SPATA13: variants seen among roughly 807,000 people sequenced by gnomAD.
SPATA13 encodes spermatogenesis associated 13.
Under a neutral mutation model 104.0 loss-of-function variants are expected in SPATA13, and 50 were observed. The ratio of observed to expected loss-of-function variants is 0.48; its 90% CI spans 0.38 to 0.61. The LOEUF is 0.61. SPATA13 is among the 20% of genes least tolerant of loss of function. SPATA13 has a pLI of 0.00. For synonymous variants in SPATA13, 606 were observed against 667.5 expected, an observed-to-expected ratio of 0.91 and a Z score of 1.42; for missense variants, 1,524 against 1,690.6, an observed-to-expected ratio of 0.90 and a Z score of 1.73.
At chr13:24,122,025 C>T (rs1881046031) in intron 3 of SPATA13, 1 of 1,367,598 alleles carries the variant, frequency 7.3e-7, no homozygotes, top group Admixed American at 1.7e-5. Context: ...CGAACACAAG[C>T]TCTTCACTAC....
intron 2 of SPATA13, among the ~76,000 whole-genome samples, chr13:24,225,057 C>A (rs1871852805): frequency 6.6e-6 from 1 of 152,230 alleles, no homozygotes; most frequent in Non-Finnish European, 1.5e-5. Flanking sequence ...GTCACTTGAC[C>A]AGCTGGAAAC....
At chr13:24,022,051 CTTT>C (rs780493002) in intron 3 of SPATA13, among the ~76,000 whole-genome samples, 2 of 130,852 alleles carry the variant, frequency 1.5e-5, no homozygotes, top group Non-Finnish European at 1.6e-5. Flanking sequence ...TCTTTTCTTT[CTTT>C]TTTTTTTTTT....
intron 3 of SPATA13, among the ~76,000 whole-genome samples, chr13:24,055,136 G>A (rs1260922046): frequency 6.6e-6 from 1 of 152,182 alleles, no homozygotes; most frequent in Non-Finnish European, 1.5e-5. Flanking sequence ...GGCACAGAGC[G>A]ATCAGCCTGC....
intron 3 of SPATA13, among the ~76,000 whole-genome samples, chr13:24,148,046 G>A (rs1427393753): frequency 6.6e-6 from 1 of 152,166 alleles, no homozygotes; most frequent in African/African-American, 2.4e-5. Context: ...GAATAATGCT[G>A]CCATGACTAT....
At chr13:24,239,692 C>T (rs1265010758) in intron 2 of SPATA13, among the ~76,000 whole-genome samples, 1 of 2,650 alleles carries the variant, frequency 3.8e-4, no homozygotes, top group African/African-American at 7.9e-4. Flanking sequence ...GAGACCATAT[C>T]TAAAAAAAAA....
rs530346319 is a variant in SPATA13, at chr13:24,294,914, C to T, written c.3210+46C>T. On this transcript the variant is annotated intron_variant, in intron 10 of 12. Coordinates refer to ENST00000382108, the MANE Select transcript of SPATA13 (RefSeq NM_001166271.3). Reference sequence around the variant, plus strand: ...ATGATCCCATGCCACTCGCCCTTCCCGCACCTTTGATCTGGTGCAGATGCA... The same window carrying T: ...ATGATCCCATGCCACTCGCCCTTCCTGCACCTTTGATCTGGTGCAGATGCA... 3.2e-5 allele frequency: 50 copies of T among 1,572,416 alleles called. No individual in the cohort carries two copies. In the East Asian group the frequency reaches 6.4e-4, roughly 20 times the overall value.
chr13:24,158,870 G>C (rs942031764), upstream of SPATA13, among the ~76,000 whole-genome samples: 1 of 152,100 alleles, frequency 6.6e-6, no homozygotes, highest in African/African-American at 2.4e-5. Flanking sequence ...TCAAGGATGC[G>C]GGGGTCTTCA....
At chr13:24,274,917 T>C (rs1237804680) in intron 4 of SPATA13, among the ~76,000 whole-genome samples, 1 of 152,212 alleles carries the variant, frequency 6.6e-6, no homozygotes, top group Non-Finnish European at 1.5e-5. Context: ...TGTCTCCTTG[T>C]TGTCAAGTGC....
At chr13:24,135,291 A>G (rs769878015) in intron 3 of SPATA13, among the ~76,000 whole-genome samples, 2 of 152,204 alleles carry the variant, frequency 1.3e-5, no homozygotes, top group East Asian at 1.9e-4. Context: ...CAGTACAACA[A>G]TTTTGAACAT....
intron 2 of SPATA13, among the ~76,000 whole-genome samples, chr13:24,226,167 T>C (rs1163448303): frequency 6.6e-6 from 1 of 152,182 alleles, no homozygotes; most frequent in Non-Finnish European, 1.5e-5. Flanking sequence ...TCAAGGAAGT[T>C]CTCACTCCAG....
chr13:24,298,263 A>G (rs561650515), intron 11 of SPATA13, among the ~76,000 whole-genome samples: 3 of 152,310 alleles, frequency 2.0e-5, no homozygotes, highest in South Asian at 2.1e-4. Flanking sequence ...GTGCCTGTGC[A>G]ATACCTTCAG....
chr13:24,297,801 C>T (rs764536821), intron 11 of SPATA13, 66 bp downstream of exon 11: 1 of 1,531,542 alleles, frequency 6.5e-7, no homozygotes, highest in Non-Finnish European at 8.8e-7. Context: ...ATTCTCCACT[C>T]CCATGGGCCT....
chr13:24,032,489 C>T (rs944226932), intron 3 of SPATA13, among the ~76,000 whole-genome samples: 1 of 152,188 alleles, frequency 6.6e-6, no homozygotes, highest in Non-Finnish European at 1.5e-5. Flanking sequence ...CAGTTCAGCT[C>T]TGTCTCTGCC....
intron 3 of SPATA13, among the ~76,000 whole-genome samples, chr13:24,109,357 A>G (rs1325159569): frequency 6.6e-6 from 1 of 152,174 alleles, no homozygotes. Flanking sequence ...CCGGTCTATC[A>G]TTGATGGGCA....
At position 24,231,638 on chromosome 13, in the gene SPATA13, C is replaced by G. The variant is rs143287545; in HGVS notation, c.1653+7056C>G. On this transcript the variant is annotated intron_variant, in intron 2 of 12. Coordinates refer to ENST00000382108, the MANE Select transcript of SPATA13 (RefSeq NM_001166271.3). ...ATACCTAGGGGTGGAATTGCTAGGT[C>G]TTGTGACATTTCTATGTTTAATTAT... 1.2e-4 allele frequency among the ~76,000 whole-genome samples: 18 copies of G among 152,254 alleles called. 1 individual carries two copies. The highest frequency in any genetic ancestry group is 4.3e-4 in the African/African-American group (18 of 41,548).
chr13:24,155,984 T>C (rs534076772), upstream of SPATA13, among the ~76,000 whole-genome samples: 36 of 152,318 alleles, frequency 2.4e-4, no homozygotes, highest in African/African-American at 5.5e-4. Flanking sequence ...GTCCTCAGGG[T>C]CCACCTGTGT....
chr13:24,050,391 G>A (rs1878299862), intron 3 of SPATA13, among the ~76,000 whole-genome samples: 1 of 152,138 alleles, frequency 6.6e-6, no homozygotes, highest in African/African-American at 2.4e-5. Context: ...ATCCTCACAA[G>A]AAATCAGATA....
intron 3 of SPATA13, among the ~76,000 whole-genome samples, chr13:24,098,480 C>T (rs1566102228): frequency 6.6e-5 from 10 of 151,818 alleles, no homozygotes. Context: ...GCCTGTAGTC[C>T]CAGCTACTTG....
intron 3 of SPATA13, among the ~76,000 whole-genome samples, chr13:24,019,780 G>T (rs1221766227): frequency 3.3e-5 from 5 of 152,134 alleles, no homozygotes. Context: ...TAGAGCAATG[G>T]GAGTCCAAGG....
Sources: allele counts gnomAD v4.1 joint callset (sites outside exome capture counted in the v4.1 genomes callset), GRCh38; gene constraint gnomAD v4.1.1; transcripts MANE v1.5; gene names NCBI Gene and HGNC (gene_info 2026-07-23, HGNC 2026-07-21).